FAAH2: variants seen among roughly 807,000 people sequenced by gnomAD.
FAAH2 encodes the protein fatty acid amide hydrolase 2.
In FAAH2, 60 loss-of-function variants were observed where a neutral mutation model predicts 36.9. The ratio of observed to expected loss-of-function variants is 1.63; its 90% CI spans 1.32 to 2.02. FAAH2 has a LOEUF of 2.02. FAAH2 is among the 30% of genes most tolerant of loss of function. The pLI is 0.00. For synonymous variants in FAAH2, 214 were observed against 143.8 expected (o/e 1.49, Z -3.49); for missense variants, 689 against 397.5 (o/e 1.73, Z -6.23).
the FAAH2 span, among the ~76,000 whole-genome samples, chrX:57,151,387 T>G: frequency 3.6e-5 from 4 of 112,038 alleles, no homozygotes; most frequent in Non-Finnish European, 7.5e-5. Flanking sequence ...CCCCGTCACT[T>G]TCAGGTACAC....
intron 3 of FAAH2, among the ~76,000 whole-genome samples, chrX:57,325,473 CT>C (rs1209061169): frequency 9.0e-6 from 1 of 111,184 alleles, no homozygotes; most frequent in Admixed American, 9.6e-5. Context: ...TGGTCCTGAA[CT>C]TTTTTTGGTT....
At chrX:57,171,066 A>T in the FAAH2 span, among the ~76,000 whole-genome samples, 1 of 111,236 alleles carries the variant, frequency 9.0e-6, no homozygotes, top group African/African-American at 3.3e-5. Flanking sequence ...CTCCAGTTCC[A>T]TCCAAGTTGT....
At chrX:57,363,201 C>A (rs1359383346) in intron 5 of FAAH2, among the ~76,000 whole-genome samples, 1 of 111,851 alleles carries the variant, frequency 8.9e-6, no homozygotes, top group African/African-American at 3.2e-5. Context: ...TCTTCAAATT[C>A]ATAGGCATAG....
the FAAH2 span, among the ~76,000 whole-genome samples, chrX:57,226,035 G>C: frequency 8.0e-5 from 9 of 112,016 alleles, no homozygotes; most frequent in Non-Finnish European, 1.3e-4. Flanking sequence ...GAGTCTTTTT[G>C]TGTTAGGTGA....
At chrX:57,231,455 C>A in the FAAH2 span, among the ~76,000 whole-genome samples, 2 of 111,637 alleles carry the variant, frequency 1.8e-5, no homozygotes, top group South Asian at 3.7e-4. Flanking sequence ...TAGTTCCTCA[C>A]TATTTTGCCT....
the FAAH2 span, among the ~76,000 whole-genome samples, chrX:57,192,254 G>A: frequency 9.0e-6 from 1 of 111,233 alleles, no homozygotes; most frequent in Non-Finnish European, 1.9e-5. Context: ...TTTCTTTTTA[G>A]ACTGAGCATT....
chrX:57,365,577 C>T (rs147131434), intron 5 of FAAH2, among the ~76,000 whole-genome samples: 300 of 111,752 alleles, frequency 2.7e-3, no homozygotes, highest in African/African-American at 9.0e-3. Context: ...GGGTTCTCTG[C>T]GTTTCCTATA....
intron 7 of FAAH2, among the ~76,000 whole-genome samples, chrX:57,412,037 A>G (rs922942305): frequency 1.2e-4 from 13 of 112,099 alleles, no homozygotes; most frequent in African/African-American, 4.2e-4. Flanking sequence ...ATACAAGTAT[A>G]CAATGCATAA....
At chrX:57,373,600 T>C (rs1165265844) in intron 5 of FAAH2, among the ~76,000 whole-genome samples, 1 of 111,403 alleles carries the variant, frequency 9.0e-6, no homozygotes. Context: ...TTTGTTTGAG[T>C]TCTTTCTAGA....
the FAAH2 span, among the ~76,000 whole-genome samples, chrX:57,129,806 G>A: frequency 9.0e-6 from 1 of 111,702 alleles, no homozygotes; most frequent in African/African-American, 3.3e-5. Context: ...ACAAGACACC[G>A]AGGATCAAAC....
chrX:57,396,506 C>T (rs2055303407), intron 7 of FAAH2, among the ~76,000 whole-genome samples: 1 of 109,389 alleles, frequency 9.1e-6, no homozygotes, highest in Non-Finnish European at 1.9e-5. Flanking sequence ...GCTATTGTTG[C>T]ATCCCAGGAG....
At chrX:57,235,071 G>A in the FAAH2 span, among the ~76,000 whole-genome samples, 2 of 110,904 alleles carry the variant, frequency 1.8e-5, no homozygotes, top group African/African-American at 3.3e-5. Context: ...TTGCTGTATA[G>A]GATGTGTGAA....
chrX:57,285,646 A>G (rs2051798891), upstream of FAAH2, among the ~76,000 whole-genome samples: 1 of 111,678 alleles, frequency 9.0e-6, no homozygotes, highest in Non-Finnish European at 1.9e-5. Context: ...TGCAAAGATA[A>G]GGAGGGAAGA....
intron 4 of FAAH2, among the ~76,000 whole-genome samples, chrX:57,335,378 G>A (rs2053519768): frequency 1.8e-5 from 2 of 112,214 alleles, no homozygotes; most frequent in Non-Finnish European, 3.8e-5. Context: ...CAGGACAATA[G>A]GATAATAGTG....
intron 8 of FAAH2, among the ~76,000 whole-genome samples, chrX:57,440,225 A>C (rs1015231578): frequency 9.0e-6 from 1 of 111,507 alleles, no homozygotes; most frequent in Non-Finnish European, 1.9e-5. Flanking sequence ...GATTCTTCCT[A>C]TCCATGAGCA....
the FAAH2 span, among the ~76,000 whole-genome samples, chrX:57,180,458 A>T: frequency 2.2e-3 from 243 of 112,110 alleles, 2 homozygotes; most frequent in African/African-American, 7.7e-3. Context: ...TATTATGGTT[A>T]TACAAATAAC....
chrX:57,383,291 C>A (rs1421512550), intron 7 of FAAH2, among the ~76,000 whole-genome samples: 1 of 112,097 alleles, frequency 8.9e-6, no homozygotes, highest in Non-Finnish European at 1.9e-5. Flanking sequence ...TCTCTCACCA[C>A]TCCTATGCAA....
the FAAH2 span, chrX:57,137,255 G>T: frequency 1.3e-6 from 1 of 761,769 alleles, no homozygotes; most frequent in Non-Finnish European, 1.6e-6. Context: ...GCCGAAATCG[G>T]ATACCTCGAT....
chrX:57,147,646 A>G, the FAAH2 span, among the ~76,000 whole-genome samples: 1 of 111,645 alleles, frequency 9.0e-6, no homozygotes, highest in Non-Finnish European at 1.9e-5. Flanking sequence ...GAGGTGTGAC[A>G]TTAGGAACAT....
Sources: allele counts gnomAD v4.1 joint callset (sites outside exome capture counted in the v4.1 genomes callset), GRCh38; gene constraint gnomAD v4.1.1; transcripts MANE v1.5; gene names NCBI Gene and HGNC (gene_info 2026-07-23, HGNC 2026-07-21).